The following SFMBT2 variants were observed in gnomAD, a reference collection of about 807,000 sequenced individuals.
SFMBT2 encodes scm-like with four MBT domains protein 2.
A neutral mutation model predicts 110.1 loss-of-function variants in SFMBT2; 38 were observed. The observed-to-expected ratio is 0.35, with a 90% CI of 0.27 to 0.45. The LOEUF is 0.45. SFMBT2 is among the 20% of genes least tolerant of loss of function. SFMBT2 has a pLI of 1.00. For synonymous variants in SFMBT2, 425 were observed against 425.4 expected (o/e 1.00, Z 0.01); for missense variants, 1,011 against 1,094.9 (o/e 0.92, Z 1.08).
intron 4 of SFMBT2, among the ~76,000 whole-genome samples, chr10:7,309,886 C>T (rs1423583759): frequency 6.6e-6 from 1 of 152,136 alleles, no homozygotes; most frequent in African/African-American, 2.4e-5. Context: ...CCTAAATATG[C>T]CCTTAGTAAG....
chr10:7,337,644 A>G (rs1173711235), intron 4 of SFMBT2, among the ~76,000 whole-genome samples: 1 of 152,052 alleles, frequency 6.6e-6, no homozygotes, highest in East Asian at 1.9e-4. Context: ...CTTCCTGTAC[A>G]TCCTGTGGAA....
intron 7 of SFMBT2, among the ~76,000 whole-genome samples, chr10:7,250,456 T>C (rs1415992128): frequency 3.3e-5 from 5 of 152,240 alleles, no homozygotes; most frequent in African/African-American, 1.2e-4. Flanking sequence ...CCATGGTATA[T>C]ATGTACCACA....
chr10:7,334,571 C>T (rs1185386688), intron 4 of SFMBT2, among the ~76,000 whole-genome samples: 1 of 152,208 alleles, frequency 6.6e-6, no homozygotes, highest in Non-Finnish European at 1.5e-5. Context: ...TGATCATACT[C>T]AGACCTTATA....
At chr10:7,334,540 GTGTT>G (rs1386320067) in intron 4 of SFMBT2, among the ~76,000 whole-genome samples, 10 of 152,332 alleles carry the variant, frequency 6.6e-5, no homozygotes, top group Admixed American at 5.2e-4. Context: ...CCACAACAGA[GTGTT>G]TGTTCCTAAA....
chr10:7,253,982 A>T (rs936155939), intron 7 of SFMBT2, among the ~76,000 whole-genome samples: 5 of 152,232 alleles, frequency 3.3e-5, no homozygotes, highest in Non-Finnish European at 7.3e-5. Flanking sequence ...TTATTGATGA[A>T]TGACGATTTC....
At chr10:7,325,756 G>A (rs1057028608) in intron 4 of SFMBT2, among the ~76,000 whole-genome samples, 7 of 152,160 alleles carry the variant, frequency 4.6e-5, no homozygotes, top group Admixed American at 4.6e-4. Context: ...TAGTATCAGG[G>A]TGGGGATGGA....
chr10:7,216,507 C>T lies in SFMBT2; in HGVS notation c.1330+3904G>A, dbSNP rs182991708. ...CATGTGGAACTGTGAGTCCATTAAA[C>T]CTATTTTTCTCATCAGTCTTGAGTA... is the stretch of plus-strand genomic sequence containing the variant. On this transcript the variant is annotated intron_variant, in intron 11 of 20. Coordinates refer to ENST00000397167, the MANE Select transcript of SFMBT2 (RefSeq NM_001387889.1). Among the ~76,000 whole-genome samples, 72 of 152,314 alleles carry T rather than the reference C, an allele frequency of 4.7e-4. 1 individual carries two copies. In the East Asian group the frequency reaches 0.013, roughly 27 times the overall value.
intron 4 of SFMBT2, among the ~76,000 whole-genome samples, chr10:7,353,853 AG>A (rs1844408594): frequency 6.6e-6 from 1 of 152,152 alleles, no homozygotes; most frequent in African/African-American, 2.4e-5. Flanking sequence ...TGGGAGGCCG[AG>A]GTAGGCGGAT....
chr10:7,329,489 GC>G, intron 4 of SFMBT2: 1 of 985,502 alleles, frequency 1.0e-6, no homozygotes, highest in Non-Finnish European at 1.2e-6. Context: ...TCTGCAAAGA[GC>G]ATGAGCTGGA....
In SFMBT2 at chr10:7,343,253, T is replaced by C. The variant is rs1843987687; in HGVS notation, c.436+24396A>G. ...TTTTTAATGGCTGCGTAGTATTCCA[T>C]GGTGTATGTGTAACACATTTCCTTT... On this transcript the variant is annotated intron_variant, in intron 4 of 20. Transcript: ENST00000397167. 8.5e-5 allele frequency among the ~76,000 whole-genome samples: 13 copies of C among 152,180 alleles called. No homozygotes were observed. The South Asian group carries it at 2.7e-3, about 32-fold the overall frequency.
At chr10:7,299,124 A>G (rs914913419) in intron 4 of SFMBT2, among the ~76,000 whole-genome samples, 3 of 152,210 alleles carry the variant, frequency 2.0e-5, no homozygotes, top group African/African-American at 7.2e-5. Flanking sequence ...TTCTAAAACC[A>G]TAAAAACCCC....
At chr10:7,393,205 A>C (rs535509300) in intron 1 of SFMBT2, among the ~76,000 whole-genome samples, 1 of 150,958 alleles carries the variant, frequency 6.6e-6, no homozygotes, top group Non-Finnish European at 1.5e-5. Context: ...TAATGTTTGT[A>C]TTTTTCGTAG....
At chr10:7,221,793 C>T (rs563847027) in intron 10 of SFMBT2, among the ~76,000 whole-genome samples, 3 of 152,112 alleles carry the variant, frequency 2.0e-5, no homozygotes, top group Admixed American at 1.3e-4. Flanking sequence ...AAAATTCAGT[C>T]TTTTGGGTAT....
chr10:7,206,235 T>G, intron 11 of SFMBT2: 3 of 985,354 alleles, frequency 3.0e-6, no homozygotes, highest in Non-Finnish European at 3.6e-6. Context: ...TAGGAAAAGA[T>G]TGGCATCGGA....
At chr10:7,358,106 CCATGGCCCTAGAACATCTG>C (rs1472628258) in intron 4 of SFMBT2, among the ~76,000 whole-genome samples, 1 of 119,028 alleles carries the variant, frequency 8.4e-6, no homozygotes, top group Non-Finnish European at 1.8e-5. Flanking sequence ...TGTGACATCA[CCATGGCCCTAGAACATCTG>C]CATGGCCCTG....
At chr10:7,212,132 T>C (rs1377054853) in intron 11 of SFMBT2, among the ~76,000 whole-genome samples, 1 of 152,182 alleles carries the variant, frequency 6.6e-6, no homozygotes, top group Non-Finnish European at 1.5e-5. Context: ...ATGTGCATTC[T>C]AATAGGACCC....
intron 4 of SFMBT2, among the ~76,000 whole-genome samples, chr10:7,302,827 G>C (rs1023964608): frequency 6.6e-6 from 1 of 152,096 alleles, no homozygotes; most frequent in Non-Finnish European, 1.5e-5. Context: ...ATGAAAGGAG[G>C]TGTATTTGAA....
chr10:7,218,931 A>G (rs1839632241), intron 11 of SFMBT2, among the ~76,000 whole-genome samples: 1 of 152,258 alleles, frequency 6.6e-6, no homozygotes, highest in South Asian at 2.1e-4. Context: ...GGTAATTAAC[A>G]GTCATAAAGC....
Position 7,171,066 on chromosome 10 carries a change from A to G in SFMBT2, c.2416-10T>C. ...CCTCCTGTTTCGTGTCCTGCAGAGAAAGGGCAGGAGGAGCTCAGCTGCGGC... is the reference window on the plus strand; with the variant it reads ...CCTCCTGTTTCGTGTCCTGCAGAGAGAGGGCAGGAGGAGCTCAGCTGCGGC... On this transcript the variant is annotated splice_polypyrimidine_tract_variant and intron_variant, in intron 19 of 20. Transcript: ENST00000397167. The surrounding 1 kb of genome is among the most constrained non-coding windows in gnomAD (Gnocchi z 4.9). 1.9e-6 allele frequency: 3 copies of G among 1,613,954 alleles called. No individual in the cohort carries two copies. Among genetic ancestry groups the G allele is most frequent in the Non-Finnish European group, 2.5e-6 (3 of 1,179,908 alleles).
Sources: allele counts gnomAD v4.1 joint callset (sites outside exome capture counted in the v4.1 genomes callset), GRCh38; gene constraint gnomAD v4.1.1; non-coding constraint Gnocchi (gnomAD v3.1); transcripts MANE v1.5; gene names NCBI Gene and HGNC (gene_info 2026-07-23, HGNC 2026-07-21).